SLC9A2: variants seen among roughly 807,000 people sequenced by gnomAD.
The protein encoded by SLC9A2 is solute carrier family 9 member A2.
SLC9A2 carries 42 observed loss-of-function variants against 71.7 expected under a neutral mutation model. The observed-to-expected ratio is 0.59, with a 90% confidence interval of 0.46 to 0.76. The LOEUF (loss-of-function observed/expected upper bound fraction) is 0.76, where lower values mean the gene tolerates loss of function less well. Ranked by LOEUF, SLC9A2 falls within the 30% of genes least tolerant of loss-of-function variation. The pLI is 0.00. For synonymous variants in SLC9A2, 396 were observed against 392.5 expected (o/e 1.01, Z -0.10); for missense variants, 829 against 1,017.4 (o/e 0.81, Z 2.52).
At chr2:102,687,519 T>C (rs1358349546) in intron 5 of SLC9A2, among the ~76,000 whole-genome samples, 1 of 152,250 alleles carries the variant, frequency 6.6e-6, no homozygotes, top group East Asian at 1.9e-4. Flanking sequence ...ATGACTTTTA[T>C]GTTGATGGAC....
intron 3 of SLC9A2, among the ~76,000 whole-genome samples, chr2:102,680,238 C>T (rs1456436986): frequency 6.6e-6 from 1 of 151,882 alleles, no homozygotes; most frequent in Non-Finnish European, 1.5e-5. Context: ...GTATACATGT[C>T]TTTTTTTATA....
At position 102,708,654 on chromosome 2, in the gene SLC9A2, A is replaced by T. The variant is rs966397323; in HGVS notation, c.*165A>T. 1 of 748,438 alleles carries T rather than the reference A, an allele frequency of 1.3e-6. No homozygotes were observed. The highest frequency in any genetic ancestry group is 1.8e-5 in the African/African-American group (1 of 56,764). 46.4% of individuals were successfully genotyped at this position (748,438 alleles called of 1,614,324 possible). A position where few individuals can be genotyped will look rare whatever the true frequency, so the allele number is the denominator to read the frequency against. ...GGATAAATGAGGCAAATCCGAAGAA[A>T]AGGAAAATCGAATAAAAAATAGTCC... On this transcript the variant is annotated 3_prime_UTR_variant, in exon 12 of 12. Coordinates refer to ENST00000233969, the MANE Select transcript of SLC9A2 (RefSeq NM_003048.6).
chr2:102,674,890 C>T (rs1473691005), intron 3 of SLC9A2, among the ~76,000 whole-genome samples: 3 of 152,144 alleles, frequency 2.0e-5, no homozygotes, highest in Non-Finnish European at 4.4e-5. Context: ...AAGCATGAAA[C>T]CAGGGTCACA....
At chr2:102,664,077 A>G (rs1677092404) in intron 2 of SLC9A2, among the ~76,000 whole-genome samples, 1 of 152,052 alleles carries the variant, frequency 6.6e-6, no homozygotes, top group South Asian at 2.1e-4. Context: ...GGAGTTCAAG[A>G]CCAGCCTGGC....
Position 102,636,385 on chromosome 2 carries a change from A to T in SLC9A2, c.289+16248A>T, listed in dbSNP as rs190725190. 1.5e-4 allele frequency among the ~76,000 whole-genome samples: 23 copies of T among 152,356 alleles called. 1 individual carries two copies. The highest frequency in any genetic ancestry group is 1.5e-3 in the Admixed American group (23 of 15,306). On this transcript the variant is annotated intron_variant, in intron 1 of 11. Coordinates refer to ENST00000233969, the MANE Select transcript of SLC9A2 (RefSeq NM_003048.6). ...TAACTGGTGAATGCAGTTAAGTGTT[A>T]GCAACCACTTAATTGAAAAATGAAA...
At chr2:102,632,138 G>GCACA (rs1558701557) in intron 1 of SLC9A2, among the ~76,000 whole-genome samples, 1 of 97,448 alleles carries the variant, frequency 1.0e-5, no homozygotes, top group East Asian at 2.5e-4. Flanking sequence ...ACATATATAT[G>GCACA]TATATATACA....
chr2:102,696,046 T>C (rs1161367947), intron 7 of SLC9A2, among the ~76,000 whole-genome samples: 1 of 151,546 alleles, frequency 6.6e-6, no homozygotes, highest in African/African-American at 2.4e-5. Flanking sequence ...GGTCAAGAAA[T>C]TTGGTTCAAT....
chr2:102,654,674 C>A (rs1020492370), intron 1 of SLC9A2, among the ~76,000 whole-genome samples: 4 of 152,108 alleles, frequency 2.6e-5, no homozygotes, highest in African/African-American at 9.7e-5. Flanking sequence ...TATCACTTAA[C>A]AAAGGGGATA....
intron 11 of SLC9A2, among the ~76,000 whole-genome samples, chr2:102,707,295 CTT>C (rs1186668605): frequency 1.4e-5 from 1 of 70,836 alleles, no homozygotes; most frequent in Non-Finnish European, 3.1e-5. Context: ...CATTACCCCT[CTT>C]TTTTTATTTT....
At chr2:102,639,601 A>T (rs1228375006) in intron 1 of SLC9A2, among the ~76,000 whole-genome samples, 1 of 152,238 alleles carries the variant, frequency 6.6e-6, no homozygotes, top group Non-Finnish European at 1.5e-5. Context: ...ATTCAGTGGC[A>T]TTGAGTACAT....
At chr2:102,649,917 C>T (rs548872552) in intron 1 of SLC9A2, among the ~76,000 whole-genome samples, 2 of 152,150 alleles carry the variant, frequency 1.3e-5, no homozygotes, top group Non-Finnish European at 2.9e-5. Context: ...GGTGATTCCT[C>T]AAGGATCTAG....
Position 102,708,249 on chromosome 2 carries a change from T to C in SLC9A2, c.2199T>C (p.Asn733=), listed in dbSNP as rs1678023200. The change falls in exon 12 of 12, where the codon AAT becomes AAC. Residue 733 remains asparagine (N), a synonymous_variant. Transcript: ENST00000233969. ...SPQSYKMEWK[N]EVDVDSGRDM... is the part of the protein sequence containing the mutation. ...AGTCCTATAAAATGGAATGGAAGAATGAGGTAGATGTTGATTCTGGCCGAG... is the reference window on the plus strand; with the variant it reads ...AGTCCTATAAAATGGAATGGAAGAACGAGGTAGATGTTGATTCTGGCCGAG... The C allele has an allele frequency of 6.2e-7, 1 of 1,613,942 alleles. No individual in the cohort carries two copies. The highest frequency in any genetic ancestry group is 1.1e-5 in the South Asian group (1 of 91,076).
At chr2:102,620,928 T>G (rs1676123180) in intron 1 of SLC9A2, among the ~76,000 whole-genome samples, 1 of 151,806 alleles carries the variant, frequency 6.6e-6, no homozygotes, top group South Asian at 2.1e-4. Context: ...CCCAGCACTT[T>G]GGGAGGCTGA....
chr2:102,708,489 A>G lies in SLC9A2; in HGVS notation c.2439A>G (p.Ter813=), dbSNP rs1168087101. Residue 813 remains the stop codon, a stop_retained_variant, in exon 12 of 12, where the codon TAA becomes TAG. Coordinates refer to ENST00000233969, the MANE Select transcript of SLC9A2 (RefSeq NM_003048.6). ...CCCGATTTGGGAGTGAGAAGCCTTAAGAGAAGCAGCGAAAGCAGATCTGAG... is the reference window on the plus strand; with the variant it reads ...CCCGATTTGGGAGTGAGAAGCCTTAGGAGAAGCAGCGAAAGCAGATCTGAG... The part of the protein sequence containing the change: ...RKARFGSEKP[*] 2 of 1,612,782 alleles carry G rather than the reference A, an allele frequency of 1.2e-6. No homozygotes were observed. Among genetic ancestry groups the G allele is most frequent in the Non-Finnish European group, 1.7e-6 (2 of 1,179,268 alleles).
chr2:102,657,205 C>CAA (rs529437859), intron 1 of SLC9A2, among the ~76,000 whole-genome samples: 3 of 146,238 alleles, frequency 2.1e-5, no homozygotes, highest in Admixed American at 6.8e-5. Context: ...GACTCCATCT[C>CAA]AAAAAAAAAA....
At chr2:102,632,148 A>ACATATATG (rs1553423402) in intron 1 of SLC9A2, among the ~76,000 whole-genome samples, 4 of 101,130 alleles carry the variant, frequency 4.0e-5, no homozygotes, top group Admixed American at 2.2e-4. Context: ...GTATATATAC[A>ACATATATG]TATATACACA....
At chr2:102,677,324 G>T (rs958803536) in intron 3 of SLC9A2, among the ~76,000 whole-genome samples, 1 of 152,148 alleles carries the variant, frequency 6.6e-6, no homozygotes, top group Non-Finnish European at 1.5e-5. Flanking sequence ...TTGAGGTAGT[G>T]TCTATAGCTG....
chr2:102,663,447 A>C (rs1283257623), intron 2 of SLC9A2, among the ~76,000 whole-genome samples: 1 of 152,216 alleles, frequency 6.6e-6, no homozygotes, highest in Non-Finnish European at 1.5e-5. Flanking sequence ...ATCCAGTAGA[A>C]AGGAGTAAAG....
At chr2:102,646,513 G>A (rs935161961) in intron 1 of SLC9A2, among the ~76,000 whole-genome samples, 1 of 152,026 alleles carries the variant, frequency 6.6e-6, no homozygotes, top group Non-Finnish European at 1.5e-5. Context: ...CTGGAAAATT[G>A]GATAAAGAGC....
Sources: gnomAD v4.1 joint callset for allele counts (sites outside exome capture counted in the v4.1 genomes callset) on GRCh38, gnomAD v4.1.1 for gene constraint, MANE v1.5 for transcripts, NCBI Gene and HGNC (gene_info 2026-07-23, HGNC 2026-07-21) for gene names.